SMARCAD1: variants seen among roughly 807,000 people sequenced by gnomAD.
SMARCAD1 encodes SWI/SNF-related matrix-associated actin-dependent regulator of chromatin subfamily A containing DEAD/H box 1.
SMARCAD1 carries 25 observed loss-of-function variants against 127.1 expected under a neutral mutation model. The ratio of observed to expected loss-of-function variants is 0.20; its 90% confidence interval spans 0.14 to 0.27. SMARCAD1 has a LOEUF of 0.27. Ranked by LOEUF, SMARCAD1 falls within the 10% of genes least tolerant of loss-of-function variation. The pLI is 1.00. For synonymous variants in SMARCAD1, 400 were observed against 396.9 expected (o/e 1.01, Z -0.09); for missense variants, 807 against 1,206.0 (o/e 0.67, Z 4.90).
chr4:94,219,576 C>T (rs1743765329), intron 2 of SMARCAD1, among the ~76,000 whole-genome samples: 1 of 152,134 alleles, frequency 6.6e-6, no homozygotes, highest in South Asian at 2.1e-4. Flanking sequence ...ATGCATACCA[C>T]TCATACCACT....
intron 9 of SMARCAD1, among the ~76,000 whole-genome samples, chr4:94,253,829 C>T (rs772576232): frequency 3.9e-5 from 6 of 152,094 alleles, no homozygotes; most frequent in Non-Finnish European, 7.4e-5. Flanking sequence ...TCAACCCTTA[C>T]GTGGGCTTTT....
chr4:94,212,689 G>C (rs1024248706), intron 2 of SMARCAD1, among the ~76,000 whole-genome samples: 4 of 152,054 alleles, frequency 2.6e-5, no homozygotes, highest in African/African-American at 9.7e-5. Flanking sequence ...GTTTCACCAT[G>C]TTAGCCAGGC....
chr4:94,242,885 C>T lies in SMARCAD1; in HGVS notation c.705+1879C>T, dbSNP rs148566409. Among the ~76,000 whole-genome samples the T allele has an allele frequency of 6.5e-3, 994 of 152,308 alleles. 5 individuals are homozygous for T. The highest frequency in any genetic ancestry group is 0.054 in the Middle Eastern group (16 of 294). On this transcript the variant is annotated intron_variant, in intron 6 of 23. Transcript: ENST00000354268. ...GAGCCATAATTATGCCACTGCACTCCAGCCTGGGTGACACAGTGAGACCTG... is the reference window on the plus strand; with the variant it reads ...GAGCCATAATTATGCCACTGCACTCTAGCCTGGGTGACACAGTGAGACCTG...
At chr4:94,273,180 TA>T (rs1752788282) in intron 11 of SMARCAD1, among the ~76,000 whole-genome samples, 1 of 152,216 alleles carries the variant, frequency 6.6e-6, no homozygotes, top group Non-Finnish European at 1.5e-5. Context: ...TTTGCCAACA[TA>T]AGCGCTCATA....
At chr4:94,264,056 T>C (rs1222525186) in intron 9 of SMARCAD1, among the ~76,000 whole-genome samples, 1 of 151,900 alleles carries the variant, frequency 6.6e-6, no homozygotes. Context: ...AGTATTATAT[T>C]GAAATTGGTT....
chr4:94,289,169 TG>T (rs1268119518), intron 23 of SMARCAD1, among the ~76,000 whole-genome samples: 1 of 152,178 alleles, frequency 6.6e-6, no homozygotes, highest in Admixed American at 6.5e-5. Flanking sequence ...ATTTAGCAAA[TG>T]TGAGAAGTTA....
chr4:94,238,773 G>A (rs1036321895), intron 5 of SMARCAD1, among the ~76,000 whole-genome samples: 6 of 152,116 alleles, frequency 3.9e-5, no homozygotes, highest in African/African-American at 1.4e-4. Context: ...ATTAAAAACA[G>A]GTTGTGGAAT....
rs1486182434 is a variant in SMARCAD1 at position 94,291,074 on chromosome 4, T to A, written c.*1540T>A. On this transcript the variant is annotated 3_prime_UTR_variant, in exon 24 of 24. Coordinates refer to ENST00000354268, the MANE Select transcript of SMARCAD1 (RefSeq NM_020159.5). ...CTCCTTGTACATCACTATACCCAAA[T>A]CAGTTATTCAAATTGTTAGGAATTT... 2.2e-6 allele frequency: 1 copy of A among 447,232 alleles called. No individual in the cohort carries two copies. 27.7% of individuals were successfully genotyped at this position (447,232 alleles called of 1,614,324 possible).
At chr4:94,275,868 C>A (rs1439866968) in intron 14 of SMARCAD1, among the ~76,000 whole-genome samples, 2 of 144,386 alleles carry the variant, frequency 1.4e-5, no homozygotes, top group Non-Finnish European at 3.0e-5. Context: ...GCGATCTCAG[C>A]TTACTGCAAC....
intron 2 of SMARCAD1, among the ~76,000 whole-genome samples, chr4:94,213,971 G>T (rs1270631092): frequency 6.6e-6 from 1 of 152,108 alleles, no homozygotes; most frequent in Non-Finnish European, 1.5e-5. Context: ...TGAAAAATTT[G>T]AAGGATGACT....
chr4:94,275,793 TTTC>T (rs1753176217), intron 14 of SMARCAD1, among the ~76,000 whole-genome samples: 1 of 125,688 alleles, frequency 8.0e-6, no homozygotes, highest in Non-Finnish European at 1.7e-5. Context: ...ACATTAACAT[TTTC>T]TTTTTTTTTT....
In SMARCAD1 at chr4:94,208,642, G is replaced by A. The variant is rs570825077; in HGVS notation, c.190+58G>A. 4 of 1,482,606 alleles carry A rather than the reference G, an allele frequency of 2.7e-6. No individual in the cohort carries two copies. In the African/African-American group the frequency reaches 5.5e-5, roughly 21 times the overall value. 91.8% of individuals were successfully genotyped at this position (1,482,606 alleles called of 1,614,324 possible). ...AAGGACAGTTTTTAAAAGATGAAAG[G>A]CAGAAGGGATTCTCATTTTTATTCT... On this transcript the variant is annotated intron_variant, in intron 2 of 23. Transcript: ENST00000354268.
intron 21 of SMARCAD1, among the ~76,000 whole-genome samples, chr4:94,282,110 T>TTTTTG (rs1754158926): frequency 1.0e-5 from 1 of 100,312 alleles, no homozygotes; most frequent in African/African-American, 3.4e-5. Context: ...GTTTTTTTTT[T>TTTTTG]TTTTTTTGAG....
At chr4:94,268,449 A>G (rs949727433) in intron 10 of SMARCAD1, among the ~76,000 whole-genome samples, 2 of 152,176 alleles carry the variant, frequency 1.3e-5, no homozygotes, top group South Asian at 2.1e-4. Context: ...TTTATAAGTG[A>G]TGTATGCCTA....
chr4:94,233,461 T>C (rs1746155060), intron 3 of SMARCAD1, among the ~76,000 whole-genome samples: 6 of 152,170 alleles, frequency 3.9e-5, no homozygotes, highest in Admixed American at 3.3e-4. Context: ...GCTGAGGAAA[T>C]GTTTTGTTTC....
rs61741696 is a variant in SMARCAD1, at chr4:94,290,736, C to A, written c.*1202C>A. 5.3e-3 allele frequency: 2,283 copies of A among 429,006 alleles called. 44 individuals are homozygous for A. The highest frequency in any genetic ancestry group is 0.043 in the African/African-American group (2,102 of 48,594). The allele number at this position is 429,006 out of a possible 1,614,324, so 26.6% of individuals were successfully genotyped here. Reference sequence around the variant, plus strand: ...CTATATTGCTGTTTTTATTATACATCAGTTTCTTTGTATAACTTGTGAGTT... The same window carrying A: ...CTATATTGCTGTTTTTATTATACATAAGTTTCTTTGTATAACTTGTGAGTT... On this transcript the variant is annotated 3_prime_UTR_variant, in exon 24 of 24. Transcript: ENST00000354268.
chr4:94,280,276 T>C (rs1051725883), intron 19 of SMARCAD1, among the ~76,000 whole-genome samples: 1 of 152,154 alleles, frequency 6.6e-6, no homozygotes, highest in Admixed American at 6.5e-5. Flanking sequence ...TTCACCCCTT[T>C]GAAAGTTACC....
chr4:94,216,354 A>G (rs553950362), intron 2 of SMARCAD1, among the ~76,000 whole-genome samples: 2 of 152,238 alleles, frequency 1.3e-5, no homozygotes, highest in East Asian at 1.9e-4. Context: ...TTATGTGGTC[A>G]CCTTGTTCAT....
chr4:94,290,994 C>G lies in SMARCAD1; in HGVS notation c.*1460C>G, dbSNP rs1243725309. On this transcript the variant is annotated 3_prime_UTR_variant, in exon 24 of 24. Transcript: ENST00000354268. ...CAGTCTTGATGGTATATTGAACAGA[C>G]TGAATATATTTTACCATTACAGGGC... The G allele has an allele frequency of 1.6e-5, 7 of 446,532 alleles. No individual in the cohort carries two copies. Among genetic ancestry groups the G allele is most frequent in the African/African-American group, 1.4e-4 (7 of 49,554 alleles). The allele number at this position is 446,532 out of a possible 1,614,324, so 27.7% of individuals were successfully genotyped here.
Sources: allele counts gnomAD v4.1 joint callset (sites outside exome capture counted in the v4.1 genomes callset), GRCh38; gene constraint gnomAD v4.1.1; transcripts MANE v1.5; gene names NCBI Gene and HGNC (gene_info 2026-07-23, HGNC 2026-07-21).